The following POLK variants were observed in gnomAD, a reference collection of about 807,000 sequenced individuals.
The protein encoded by POLK is polymerase (DNA directed) kappa.
Under a neutral mutation model 94.0 loss-of-function variants are expected in POLK, and 76 were observed. The ratio of observed to expected loss-of-function variants is 0.81; its 90% CI spans 0.67 to 0.98. The LOEUF (loss-of-function observed/expected upper bound fraction) is 0.98. Ranked by LOEUF, POLK falls within the 50% of genes least tolerant of loss-of-function variation. POLK has a pLI of 0.00. For missense variants in POLK, 954 were observed against 1,010.1 expected (o/e 0.94, Z 0.75); for synonymous variants, 349 against 325.4 (o/e 1.07, Z -0.78).
At chr5:75,558,737 A>T (rs1770777839) in intron 3 of POLK, among the ~76,000 whole-genome samples, 1 of 152,164 alleles carries the variant, frequency 6.6e-6, no homozygotes. Context: ...AATCAGTTCT[A>T]TCCACAGTAA....
In POLK at chr5:75,597,311, TTGGTTACATTGCCATAGGTTAGA is replaced by T. The variant is rs898008643; in HGVS notation, c.2485+134_2485+156del. 11 of 615,694 alleles carry T rather than the reference TTGGTTACATTGCCATAGGTTAGA, an allele frequency of 1.8e-5. No individual in the cohort carries two copies. The African/African-American group carries it at 2.0e-4, about 11-fold the overall frequency. 38.1% of individuals were successfully genotyped at this position (615,694 alleles called of 1,614,324 possible). A position where few individuals can be genotyped will look rare whatever the true frequency, so the allele number is the denominator to read the frequency against. Reference sequence around the variant, plus strand: ...GTGTATGCCGCCATTTAGGGAAATGTTGGTTACATTGCCATAGGTTAGAATTAACTCAAGCCTGTAGATTGTGA... The same window carrying T: ...GTGTATGCCGCCATTTAGGGAAATGTATTAACTCAAGCCTGTAGATTGTGA... On this transcript the variant is annotated intron_variant, in intron 13 of 14. Coordinates refer to ENST00000241436, the Ensembl canonical transcript of POLK.
chr5:75,542,298 C>G (rs553638537), intron 1 of POLK, among the ~76,000 whole-genome samples: 168 of 152,132 alleles, frequency 1.1e-3, no homozygotes, highest in Non-Finnish European at 2.1e-3. Flanking sequence ...TCATACTTCT[C>G]TCTCTCTTCC....
At chr5:75,515,143 C>G (rs971653216) in intron 1 of POLK, among the ~76,000 whole-genome samples, 1 of 152,036 alleles carries the variant, frequency 6.6e-6, no homozygotes, top group African/African-American at 2.4e-5. Context: ...TGCAACTATC[C>G]CCTTGTCTTG....
At chr5:75,583,269 T>G in intron 7 of POLK, 24 bp from the exon 8 acceptor site, 1 of 1,544,074 alleles carries the variant, frequency 6.5e-7, no homozygotes. Flanking sequence ...CTTCTTTGAG[T>G]CATCAGAGTA....
At chr5:75,584,919 C>T (rs768944183) in exon 9 of POLK, 2 of 1,583,458 alleles carry the variant, frequency 1.3e-6, no homozygotes, top group South Asian at 2.3e-5. Flanking sequence ...TTCAACACAC[C>T]TGACGAGGTA....
At chr5:75,558,612 G>A (rs1420339886) in intron 3 of POLK, among the ~76,000 whole-genome samples, 1 of 151,948 alleles carries the variant, frequency 6.6e-6, no homozygotes, top group Admixed American at 6.6e-5. Context: ...TTATTGAACG[G>A]TAGGAATATA....
At chr5:75,593,572 T>C (rs1235066566) in intron 11 of POLK, among the ~76,000 whole-genome samples, 1 of 152,200 alleles carries the variant, frequency 6.6e-6, no homozygotes. Context: ...TGTATTCTGG[T>C]TGGGTGCAGT....
intron 3 of POLK, among the ~76,000 whole-genome samples, chr5:75,558,494 A>G (rs1414202789): frequency 1.3e-5 from 2 of 152,158 alleles, no homozygotes; most frequent in Non-Finnish European, 2.9e-5. Flanking sequence ...CTGAGTTGAA[A>G]TGAAGTACTT....
chr5:75,519,791 T>A (rs1424710227), intron 1 of POLK, among the ~76,000 whole-genome samples: 1 of 152,182 alleles, frequency 6.6e-6, no homozygotes. Flanking sequence ...GGATTTCTTG[T>A]GGGAATTGTA....
chr5:75,550,509 G>A (rs923479362), intron 2 of POLK, among the ~76,000 whole-genome samples: 5 of 152,144 alleles, frequency 3.3e-5, no homozygotes, highest in Non-Finnish European at 5.9e-5. Context: ...AATCCTGGAG[G>A]TGGAGGTTGC....
chr5:75,527,787 T>C (rs1332521022), intron 1 of POLK, among the ~76,000 whole-genome samples: 2 of 152,176 alleles, frequency 1.3e-5, no homozygotes, highest in Non-Finnish European at 2.9e-5. Flanking sequence ...TGTTAAAGAA[T>C]TCCATGTGTT....
At chr5:75,593,624 G>C (rs1285639918) in intron 11 of POLK, among the ~76,000 whole-genome samples, 1 of 152,058 alleles carries the variant, frequency 6.6e-6, no homozygotes, top group Non-Finnish European at 1.5e-5. Context: ...GGCCAGGATC[G>C]CTTGTGGCCA....
Position 75,577,987 on chromosome 5 carries a change from T to C in POLK, c.694+1054T>C, listed in dbSNP as rs5744657. 3.5e-4 allele frequency among the ~76,000 whole-genome samples: 54 copies of C among 152,178 alleles called. 1 individual carries two copies. The highest frequency in any genetic ancestry group is 1.0e-4 in the Non-Finnish European group (7 of 68,024). On this transcript the variant is annotated intron_variant, in intron 6 of 14. Transcript: ENST00000241436. ...TGTGGAACATAAAGCCTGATGTCAC[T>C]TTGTATAAAATCTTACTTTATTAAT...
intron 1 of POLK, among the ~76,000 whole-genome samples, chr5:75,537,677 T>G (rs1392285605): frequency 2.6e-5 from 4 of 152,204 alleles, no homozygotes; most frequent in African/African-American, 9.7e-5. Context: ...GGTCACTTAA[T>G]TACACATTAT....
chr5:75,526,737 A>G (rs772674471), intron 1 of POLK, among the ~76,000 whole-genome samples: 2 of 151,890 alleles, frequency 1.3e-5, no homozygotes, highest in Non-Finnish European at 2.9e-5. Context: ...GTGCACCACC[A>G]CAACCGGCTA....
At chr5:75,524,919 T>TGA (rs1290581469) in intron 1 of POLK, among the ~76,000 whole-genome samples, 3 of 152,238 alleles carry the variant, frequency 2.0e-5, no homozygotes, top group Non-Finnish European at 2.9e-5. Flanking sequence ...CCTGACTCTC[T>TGA]GACTTGCATA....
intron 1 of POLK, among the ~76,000 whole-genome samples, chr5:75,526,560 TG>T (rs200882385): frequency 0.047 from 7,065 of 150,134 alleles, 504 homozygotes; most frequent in African/African-American, 0.16. Flanking sequence ...TCTGATTTAA[TG>T]GGTTTTTTTT....
intron 3 of POLK, among the ~76,000 whole-genome samples, chr5:75,565,509 C>T (rs1196537812): frequency 6.6e-6 from 1 of 152,144 alleles, no homozygotes; most frequent in Non-Finnish European, 1.5e-5. Context: ...TTTTCCTCAT[C>T]TTTGTGGATT....
At chr5:75,555,110 G>A (rs1011096156) in intron 3 of POLK, among the ~76,000 whole-genome samples, 1 of 152,166 alleles carries the variant, frequency 6.6e-6, no homozygotes, top group Non-Finnish European at 1.5e-5. Context: ...CACCAGAGGG[G>A]TACATTTGTT....
Sources: allele counts gnomAD v4.1 joint callset (sites outside exome capture counted in the v4.1 genomes callset), GRCh38; gene constraint gnomAD v4.1.1; transcripts MANE v1.5; gene names NCBI Gene and HGNC (gene_info 2026-07-23, HGNC 2026-07-21).